Variants in ENPP6 observed in about 807,000 individuals in gnomAD.
ENPP6 encodes ectonucleotide pyrophosphatase/phosphodiesterase 6.
Under a neutral mutation model 42.0 loss-of-function variants are expected in ENPP6, and 32 were observed. That is an observed-to-expected ratio of 0.76 (90% CI 0.58 to 1.02). The LOEUF (loss-of-function observed/expected upper bound fraction) is 1.02. Among genes scored for constraint, ENPP6 ranks in the 50% least tolerant of loss-of-function variants. The pLI, the probability that ENPP6 is intolerant of heterozygous loss-of-function variation, is 0.00. For synonymous variants in ENPP6, 213 were observed against 216.0 expected, an observed-to-expected ratio of 0.99 and a Z score of 0.12; for missense variants, 552 against 566.8, an observed-to-expected ratio of 0.97 and a Z score of 0.27.
At chr4:184,208,736 C>A (rs1284396799) in intron 1 of ENPP6, among the ~76,000 whole-genome samples, 1 of 146,878 alleles carries the variant, frequency 6.8e-6, no homozygotes, top group Non-Finnish European at 1.5e-5. Flanking sequence ...GTGGAGCCCA[C>A]CACAGCTCAA....
At chr4:184,162,063 T>C (rs1368502428) in intron 1 of ENPP6, among the ~76,000 whole-genome samples, 1 of 152,008 alleles carries the variant, frequency 6.6e-6, no homozygotes, top group Non-Finnish European at 1.5e-5. Context: ...GTATCCCCAG[T>C]CTTTCCAGCA....
At chr4:184,138,315 T>A (rs1736764528) in intron 2 of ENPP6, among the ~76,000 whole-genome samples, 1 of 152,232 alleles carries the variant, frequency 6.6e-6, no homozygotes, top group African/African-American at 2.4e-5. Flanking sequence ...AACTGCTTCT[T>A]TGAATGCCAA....
At chr4:184,148,643 G>A (rs1454551680) in intron 2 of ENPP6, among the ~76,000 whole-genome samples, 1 of 152,176 alleles carries the variant, frequency 6.6e-6, no homozygotes, top group Admixed American at 6.5e-5. Context: ...AGATCTTGCC[G>A]AAGTTACTGA....
chr4:184,140,621 G>C (rs1479064020), intron 2 of ENPP6, among the ~76,000 whole-genome samples: 15 of 134,536 alleles, frequency 1.1e-4, no homozygotes, highest in African/African-American at 4.2e-4. Flanking sequence ...ACAAACCTGA[G>C]AAAAACAAGC....
In ENPP6 at chr4:184,090,846, C is replaced by T. The variant is rs1042231436; in HGVS notation, c.*331G>A. Reference sequence around the variant, plus strand: ...GAGAGGGGCCCAGAGCCACGTCTGTCTGCAATAACCACTCCAAGTTTGGTT... The same window carrying T: ...GAGAGGGGCCCAGAGCCACGTCTGTTTGCAATAACCACTCCAAGTTTGGTT... On this transcript the variant is annotated 3_prime_UTR_variant, in exon 8 of 8. Transcript: ENST00000296741. 1.7e-5 allele frequency: 7 copies of T among 423,956 alleles called. No homozygotes were observed. Among genetic ancestry groups the T allele is most frequent in the Admixed American group, 1.2e-4 (3 of 24,914 alleles). 26.3% of individuals were successfully genotyped at this position (423,956 alleles called of 1,614,324 possible). A position where few individuals can be genotyped will look rare whatever the true frequency, so the allele number is the denominator to read the frequency against.
At chr4:184,097,702 G>C (rs540133186) in intron 6 of ENPP6, among the ~76,000 whole-genome samples, 1 of 152,210 alleles carries the variant, frequency 6.6e-6, no homozygotes, top group Non-Finnish European at 1.5e-5. Flanking sequence ...AATGTATTTG[G>C]TCTTTGTCCC....
intron 1 of ENPP6, among the ~76,000 whole-genome samples, chr4:184,177,016 T>A (rs1205424227): frequency 6.6e-6 from 1 of 152,172 alleles, no homozygotes; most frequent in East Asian, 1.9e-4. Context: ...GGTCAGGAGA[T>A]CCCCTTGTGA....
At position 184,091,376 on chromosome 4, in the gene ENPP6, T is replaced by A; in HGVS notation, c.1124A>T (p.Lys375Ile). 6.2e-7 allele frequency: 1 copy of A among 1,600,972 alleles called. No individual in the cohort carries two copies. The highest frequency in any genetic ancestry group is 1.7e-4 in the Middle Eastern group (1 of 6,018). Residue 375 changes from lysine to isoleucine, a missense_variant, in exon 8 of 8, where the codon AAA becomes ATA. By Grantham distance (102) the Lys-to-Ile change is moderately radical. Around this residue, in one of 2 missense-constraint regions of ENPP6, gnomAD observed 545 missense variants for 546.3 expected, o/e 1.00. Transcript: ENST00000296741. The part of the protein sequence containing the change: ...GIFLAFGPDF[K>I]SNFRAAPIRS... ...GATAGGAGCAGCTCTGAAGTTGGAT[T>A]TGAAATCTGAAAGGGAAAGGCAAAC... is the stretch of plus-strand genomic sequence containing the variant.
chr4:184,134,790 A>T (rs113281565), intron 2 of ENPP6, among the ~76,000 whole-genome samples: 2 of 151,106 alleles, frequency 1.3e-5, no homozygotes, highest in African/African-American at 4.9e-5. Context: ...TTTGCCTTGA[A>T]TTAGAGACAA....
rs1200687950 is a variant in ENPP6, at chr4:184,143,611, G to A, written c.421+9943C>T. Among the ~76,000 whole-genome samples the A allele has an allele frequency of 4.6e-5, 7 of 152,298 alleles. No homozygotes were observed. In the East Asian group the frequency reaches 7.7e-4, roughly 17 times the overall value. On this transcript the variant is annotated intron_variant, in intron 2 of 7. Transcript: ENST00000296741. ...TGTGCGTCCCTTTCCTGGGAGCCCC[G>A]CTTTCTGTCATTCATTGGCCCTCAT... is the stretch of plus-strand genomic sequence containing the variant.
At chr4:184,164,189 C>A (rs563248224) in intron 1 of ENPP6, among the ~76,000 whole-genome samples, 1 of 152,284 alleles carries the variant, frequency 6.6e-6, no homozygotes, top group Non-Finnish European at 1.5e-5. Context: ...CACTTTTTCT[C>A]TCTCTAAAAT....
At chr4:184,173,779 C>A (rs539297001) in intron 1 of ENPP6, among the ~76,000 whole-genome samples, 1 of 152,226 alleles carries the variant, frequency 6.6e-6, no homozygotes, top group Non-Finnish European at 1.5e-5. Flanking sequence ...AGGTTAGGTA[C>A]GGAGAATAGG....
intron 1 of ENPP6, among the ~76,000 whole-genome samples, chr4:184,175,175 C>T (rs565728363): frequency 1.5e-4 from 23 of 152,250 alleles, no homozygotes; most frequent in Admixed American, 4.6e-4. Context: ...TCCTCTCCTC[C>T]GCCGCCCGGA....
intron 5 of ENPP6, among the ~76,000 whole-genome samples, chr4:184,116,042 CG>C (rs1736307522): frequency 6.6e-6 from 1 of 151,416 alleles, no homozygotes; most frequent in Admixed American, 6.6e-5. Flanking sequence ...GGTGAAACCC[CG>C]TCTCTACTAA....
intron 2 of ENPP6, among the ~76,000 whole-genome samples, chr4:184,152,572 T>C (rs746256726): frequency 5.3e-5 from 8 of 152,094 alleles, no homozygotes; most frequent in Non-Finnish European, 1.0e-4. Context: ...GATGACACCA[T>C]TGAGAATCAG....
At chr4:184,206,613 TC>T (rs1733005857) in intron 1 of ENPP6, among the ~76,000 whole-genome samples, 1 of 152,150 alleles carries the variant, frequency 6.6e-6, no homozygotes, top group African/African-American at 2.4e-5. Context: ...ACACGATTGT[TC>T]AAGTACTTTC....
At chr4:184,128,758 G>A (rs1403532606) in intron 2 of ENPP6, among the ~76,000 whole-genome samples, 1 of 152,140 alleles carries the variant, frequency 6.6e-6, no homozygotes, top group Non-Finnish European at 1.5e-5. Context: ...ATATTGAAAA[G>A]TTTATCTTAT....
chr4:184,113,843 G>A (rs1736254347), intron 5 of ENPP6, among the ~76,000 whole-genome samples: 1 of 151,614 alleles, frequency 6.6e-6, no homozygotes, highest in African/African-American at 2.4e-5. Flanking sequence ...GTGTGGCCCT[G>A]TACATATTTC....
At chr4:184,152,927 G>T (rs200816145) in intron 2 of ENPP6, among the ~76,000 whole-genome samples, 3 of 146,546 alleles carry the variant, frequency 2.0e-5, no homozygotes, top group East Asian at 2.0e-4. Flanking sequence ...ATGGTACACT[G>T]TTTTTTTTTT....
Sources: gnomAD v4.1 joint callset for allele counts (sites outside exome capture counted in the v4.1 genomes callset) on GRCh38, gnomAD v4.1.1 for gene constraint, gnomAD v4.1.1 regional missense constraint, MANE v1.5 for transcripts, NCBI Gene and HGNC (gene_info 2026-07-23, HGNC 2026-07-21) for gene names.